The following GUCA1C variants were observed in gnomAD, a reference collection of about 807,000 sequenced individuals.
The protein encoded by GUCA1C is guanylyl cyclase-activating protein 3.
A neutral mutation model predicts 16.2 loss-of-function variants in GUCA1C; 15 were observed. The observed-to-expected ratio is 0.93, with a 90% CI of 0.62 to 1.43. GUCA1C has a LOEUF of 1.43. GUCA1C is among the 40% of genes most tolerant of loss of function. GUCA1C has a pLI of 0.00. For synonymous variants in GUCA1C, 78 were observed against 85.4 expected (o/e 0.91, Z 0.48); for missense variants, 275 against 244.8 (o/e 1.12, Z -0.82).
intron 1 of GUCA1C, among the ~76,000 whole-genome samples, chr3:108,951,201 C>A (rs1244321829): frequency 6.6e-6 from 1 of 151,996 alleles, no homozygotes; most frequent in African/African-American, 2.4e-5. Flanking sequence ...AGGAACAAGT[C>A]TGGAGATTCA....
At position 108,908,024 on chromosome 3, in the gene GUCA1C, A is replaced by T; in HGVS notation, c.628T>A (p.Ter210LysextTer2). The T allele has an allele frequency of 6.2e-7, 1 of 1,608,498 alleles. No individual in the cohort carries two copies. Among genetic ancestry groups the T allele is most frequent in the South Asian group, 1.1e-5 (1 of 90,174 alleles). ...AGCTGGGACAGGTATTCTCACAGCTACTTCATTTTCACCTTCCCTAGACCA... is the reference window on the plus strand; with the variant it reads ...AGCTGGGACAGGTATTCTCACAGCTTCTTCATTTTCACCTTCCCTAGACCA... ...KAGLGKVKMK[*>K] The change falls in exon 4 of 4, where the codon TAG becomes AAG. Residue 210 changes from the stop codon to lysine (K), a stop_lost. Coordinates refer to ENST00000261047, the MANE Select transcript of GUCA1C (RefSeq NM_005459.4).
At chr3:108,922,918 T>C (rs1285964599) in intron 1 of GUCA1C, among the ~76,000 whole-genome samples, 2 of 152,180 alleles carry the variant, frequency 1.3e-5, no homozygotes, top group South Asian at 4.1e-4. Context: ...TGGTTTTCTG[T>C]TCCTGTGTTA....
intron 1 of GUCA1C, among the ~76,000 whole-genome samples, chr3:108,942,418 T>C (rs2107312172): frequency 6.6e-6 from 1 of 152,370 alleles, no homozygotes; most frequent in South Asian, 2.1e-4. Context: ...GTCCTGCTTA[T>C]ACTGTCTTGC....
chr3:108,954,273 A>G (rs372727946), upstream of GUCA1C, among the ~76,000 whole-genome samples: 1 of 152,362 alleles, frequency 6.6e-6, no homozygotes, highest in East Asian at 1.9e-4. Context: ...ATATATTTAG[A>G]TAACATTTTA....
At chr3:108,946,242 C>T (rs973081274) in intron 1 of GUCA1C, among the ~76,000 whole-genome samples, 1 of 152,228 alleles carries the variant, frequency 6.6e-6, no homozygotes, top group Admixed American at 6.5e-5. Flanking sequence ...ATCCTCCCAC[C>T]TCAGCCTCCT....
At chr3:108,934,362 A>G (rs982807195) in intron 1 of GUCA1C, among the ~76,000 whole-genome samples, 122 of 152,268 alleles carry the variant, frequency 8.0e-4, no homozygotes, top group African/African-American at 2.8e-3. Context: ...AAGTCAAAAA[A>G]CAATAGATCC....
intron 3 of GUCA1C, among the ~76,000 whole-genome samples, chr3:108,910,347 A>C (rs2107270608): frequency 6.6e-6 from 1 of 151,906 alleles, no homozygotes; most frequent in South Asian, 2.1e-4. Context: ...AAATACAAAA[A>C]AGTAGCCGAG....
chr3:108,931,865 C>CTTTTTTTTT lies in GUCA1C; in HGVS notation c.205-11289_205-11281dup, dbSNP rs59451506. On this transcript the variant is annotated intron_variant, in intron 1 of 3. Transcript: ENST00000261047. ...AAGGGAACAGTTTTTTTTCTTCCTT[C>CTTTTTTTTT]TTTTTTTTTTTTTTTTTTTTTGAGA... is the stretch of plus-strand genomic sequence containing the variant. Among the ~76,000 whole-genome samples, 3 of 110,140 alleles carry CTTTTTTTTT rather than the reference C, an allele frequency of 2.7e-5. 1 individual carries two copies. The highest frequency in any genetic ancestry group is 2.1e-4 in the Admixed American group (2 of 9,664). 72.3% of individuals were successfully genotyped at this position (110,140 alleles called of 152,430 possible).
intron 1 of GUCA1C, among the ~76,000 whole-genome samples, chr3:108,944,065 CAT>C (rs1242174644): frequency 6.6e-6 from 1 of 151,944 alleles, no homozygotes; most frequent in African/African-American, 2.4e-5. Flanking sequence ...AAAAAATAAA[CAT>C]ATAAAGAAAA....
chr3:108,915,963 C>T (rs1300164049), intron 3 of GUCA1C, 164 bp downstream of exon 3: 5 of 680,104 alleles, frequency 7.4e-6, no homozygotes, highest in East Asian at 2.8e-5. Context: ...TAAATATTTA[C>T]TCAATTGAAT....
chr3:108,911,443 CT>C (rs1946452125), intron 3 of GUCA1C, among the ~76,000 whole-genome samples: 1 of 152,026 alleles, frequency 6.6e-6, no homozygotes, highest in Non-Finnish European at 1.5e-5. Context: ...AAATATTGAG[CT>C]GGGGCTGGAA....
chr3:108,953,507 A>C, intron 1 of GUCA1C, 52 bp downstream of exon 1: 1 of 1,166,318 alleles, frequency 8.6e-7, no homozygotes, highest in Non-Finnish European at 1.3e-6. Context: ...AAAAAAGGGA[A>C]GAGTGCAGAA....
intron 1 of GUCA1C, among the ~76,000 whole-genome samples, chr3:108,935,358 T>A (rs986496155): frequency 2.1e-4 from 31 of 149,318 alleles, no homozygotes; most frequent in Admixed American, 3.4e-4. Flanking sequence ...GAAAAAAAAA[T>A]AAAAAATAAA....
chr3:108,931,668 C>T (rs960711620), intron 1 of GUCA1C, among the ~76,000 whole-genome samples: 2 of 152,014 alleles, frequency 1.3e-5, no homozygotes, highest in African/African-American at 4.8e-5. Context: ...GTTTAGGGTA[C>T]ATACTTATTC....
intron 1 of GUCA1C, among the ~76,000 whole-genome samples, chr3:108,935,447 T>C (rs35405387): frequency 0.028 from 4,253 of 152,104 alleles, 76 homozygotes; most frequent in Middle Eastern, 0.12. Context: ...TCCCAGCACT[T>C]TGGGAGGCCG....
intron 3 of GUCA1C, among the ~76,000 whole-genome samples, chr3:108,913,693 C>A (rs369549794): frequency 6.6e-6 from 1 of 152,094 alleles, no homozygotes; most frequent in East Asian, 1.9e-4. Context: ...TCTGTATATG[C>A]ATTTGCTAAG....
chr3:108,949,627 C>A (rs1040816785), intron 1 of GUCA1C, among the ~76,000 whole-genome samples: 1 of 152,126 alleles, frequency 6.6e-6, no homozygotes, highest in Non-Finnish European at 1.5e-5. Context: ...AAGGCCATAG[C>A]CATTCCTATA....
At chr3:108,933,261 G>C (rs1268307176) in intron 1 of GUCA1C, among the ~76,000 whole-genome samples, 1 of 152,152 alleles carries the variant, frequency 6.6e-6, no homozygotes, top group African/African-American at 2.4e-5. Context: ...AGCTCGCAAA[G>C]CCAGAACCCA....
At chr3:108,952,757 T>C (rs189837308) in intron 1 of GUCA1C, among the ~76,000 whole-genome samples, 1 of 151,958 alleles carries the variant, frequency 6.6e-6, no homozygotes, top group East Asian at 1.9e-4. Flanking sequence ...TTCTAGTCAA[T>C]ATCTACACAT....
Sources: gnomAD v4.1 joint callset for allele counts (sites outside exome capture counted in the v4.1 genomes callset) on GRCh38, gnomAD v4.1.1 for gene constraint, MANE v1.5 for transcripts, NCBI Gene and HGNC (gene_info 2026-07-23, HGNC 2026-07-21) for gene names.